Variants in PRKG1 observed in about 807,000 individuals in gnomAD.
PRKG1 encodes the protein cGMP-dependent protein kinase 1.
A neutral mutation model predicts 88.1 loss-of-function variants in PRKG1; 35 were observed. The observed-to-expected ratio is 0.40, with a 90% CI of 0.30 to 0.53. The LOEUF is 0.53. Ranked by LOEUF, PRKG1 falls within the 20% of genes least tolerant of loss-of-function variation. PRKG1 has a pLI of 0.59. For missense variants in PRKG1, 540 were observed against 839.8 expected, an observed-to-expected ratio of 0.64 and a Z score of 4.41; for synonymous variants, 303 against 292.5, an observed-to-expected ratio of 1.04 and a Z score of -0.37.
At chr10:51,876,837 G>A (rs1211472672) in intron 4 of PRKG1, among the ~76,000 whole-genome samples, 3 of 152,086 alleles carry the variant, frequency 2.0e-5, no homozygotes, top group Non-Finnish European at 2.9e-5. Context: ...TTGCACCGGG[G>A]TGGGATAACT....
In PRKG1 at chr10:51,180,668, C is replaced by T. The variant is rs945205788; in HGVS notation, c.478+27338C>T. ...CGAAGCAGACCCCTATTAAGATGAG[C>T]TTGCATGATTTTGGAGTAAGTAGGT... On this transcript the variant is annotated intron_variant, in intron 2 of 17. Coordinates refer to ENST00000373980, the MANE Select transcript of PRKG1 (RefSeq NM_006258.4). Among the ~76,000 whole-genome samples, 42 of 152,172 alleles carry T rather than the reference C, an allele frequency of 2.8e-4. 2 individuals carry two copies. Among genetic ancestry groups the T allele is most frequent in the Middle Eastern group, 3.2e-3 (1 of 316 alleles).
chr10:51,006,103 G>T (rs1212691798), intron 1 of PRKG1, among the ~76,000 whole-genome samples: 1 of 152,134 alleles, frequency 6.6e-6, no homozygotes, highest in East Asian at 1.9e-4. Flanking sequence ...CCTTTGTGTA[G>T]CCCCAGTGCC....
chr10:51,486,444 T>TTAGA (rs1156391712), intron 3 of PRKG1, among the ~76,000 whole-genome samples: 1 of 152,182 alleles, frequency 6.6e-6, no homozygotes, highest in African/African-American at 2.4e-5. Context: ...GTTGCATGTA[T>TTAGA]TAGATATATA....
intron 3 of PRKG1, among the ~76,000 whole-genome samples, chr10:51,761,315 A>G (rs901378268): frequency 1.3e-5 from 2 of 152,236 alleles, no homozygotes; most frequent in Non-Finnish European, 2.9e-5. Flanking sequence ...TTAGATGTCA[A>G]TATAGGCTGT....
At chr10:52,187,159 C>T (rs1839221609) in intron 9 of PRKG1, among the ~76,000 whole-genome samples, 1 of 152,076 alleles carries the variant, frequency 6.6e-6, no homozygotes, top group Non-Finnish European at 1.5e-5. Context: ...TCTGGCTTAT[C>T]AGGATGCTAA....
rs568249865 is a variant in PRKG1 at position 51,304,520 on chromosome 10, A to G, written c.478+151190A>G. Reference sequence around the variant, plus strand: ...TATTATACTTTAAGTTTTAGGGTACATGTGCACAATGTGCAGGTTAGTTAC... The same window carrying G: ...TATTATACTTTAAGTTTTAGGGTACGTGTGCACAATGTGCAGGTTAGTTAC... On this transcript the variant is annotated intron_variant, in intron 2 of 17. Coordinates refer to ENST00000373980, the MANE Select transcript of PRKG1 (RefSeq NM_006258.4). Among the ~76,000 whole-genome samples, 10 of 151,880 alleles carry G rather than the reference A, an allele frequency of 6.6e-5. No individual in the cohort carries two copies. In the South Asian group the frequency reaches 1.9e-3, roughly 28 times the overall value.
At chr10:52,166,787 C>CTATATATATATATATATGTATATATATG (rs201538311) in intron 9 of PRKG1, among the ~76,000 whole-genome samples, 2 of 12,444 alleles carry the variant, frequency 1.6e-4, no homozygotes, top group Non-Finnish European at 1.9e-3. Flanking sequence ...ATAAAAAAGC[C>CTATATATATATATATATGTATATATATG]TATATATATA....
At chr10:51,152,859 T>A (rs181057785) in intron 1 of PRKG1, among the ~76,000 whole-genome samples, 4 of 152,078 alleles carry the variant, frequency 2.6e-5, no homozygotes, top group Admixed American at 6.6e-5. Flanking sequence ...TTTCTAGCAA[T>A]CTTTGTGATT....
intron 1 of PRKG1, among the ~76,000 whole-genome samples, chr10:51,122,506 G>C (rs531967517): frequency 6.6e-6 from 1 of 152,230 alleles, no homozygotes; most frequent in East Asian, 1.9e-4. Flanking sequence ...GGGTATATAC[G>C]TGTGATTAAG....
intron 5 of PRKG1, among the ~76,000 whole-genome samples, chr10:52,015,452 C>T (rs1845014506): frequency 6.6e-6 from 1 of 152,190 alleles, no homozygotes; most frequent in Non-Finnish European, 1.5e-5. Context: ...GCCCACAAAA[C>T]CATTTTTCCC....
intron 3 of PRKG1, among the ~76,000 whole-genome samples, chr10:51,524,508 T>C (rs1841827336): frequency 6.6e-6 from 1 of 152,240 alleles, no homozygotes; most frequent in South Asian, 2.1e-4. Flanking sequence ...TTTTACATAA[T>C]TTTTGTGTGT....
At chr10:51,369,290 G>A (rs960553902) in intron 2 of PRKG1, among the ~76,000 whole-genome samples, 4 of 152,160 alleles carry the variant, frequency 2.6e-5, no homozygotes, top group African/African-American at 7.2e-5. Context: ...GGAAGTCCAA[G>A]ATCAAGGCAT....
chr10:51,416,627 A>G (rs1033474009), intron 2 of PRKG1, among the ~76,000 whole-genome samples: 1 of 152,200 alleles, frequency 6.6e-6, no homozygotes, highest in African/African-American at 2.4e-5. Context: ...TAATGCTTGC[A>G]AAGGGCTTAG....
intron 4 of PRKG1, among the ~76,000 whole-genome samples, chr10:51,839,158 A>T (rs1034944132): frequency 7.2e-5 from 11 of 151,876 alleles, no homozygotes; most frequent in Non-Finnish European, 1.2e-4. Context: ...TTATTTTTTT[A>T]ACAGTTGGTT....
intron 7 of PRKG1, among the ~76,000 whole-genome samples, chr10:52,088,991 C>G (rs1846984867): frequency 6.6e-6 from 1 of 152,048 alleles, no homozygotes; most frequent in African/African-American, 2.4e-5. Context: ...AGATGTATTT[C>G]TGTATTTAAA....
At chr10:51,743,977 A>G (rs988001695) in intron 3 of PRKG1, among the ~76,000 whole-genome samples, 3 of 151,560 alleles carry the variant, frequency 2.0e-5, no homozygotes, top group Non-Finnish European at 4.4e-5. Context: ...TAACTAATTC[A>G]GTACTTTTAT....
intron 9 of PRKG1, among the ~76,000 whole-genome samples, chr10:52,203,761 T>C (rs903115860): frequency 1.3e-5 from 2 of 152,230 alleles, no homozygotes; most frequent in African/African-American, 4.8e-5. Flanking sequence ...TTTACCATTA[T>C]ATAATGCCCT....
At chr10:51,986,772 T>A (rs1164094144) in intron 5 of PRKG1, among the ~76,000 whole-genome samples, 1 of 152,168 alleles carries the variant, frequency 6.6e-6, no homozygotes, top group Non-Finnish European at 1.5e-5. Context: ...TCGTATGAGA[T>A]ACTGGGACTT....
chr10:52,104,010 T>A (rs74673449), intron 7 of PRKG1, among the ~76,000 whole-genome samples: 1 of 68,298 alleles, frequency 1.5e-5, no homozygotes, highest in South Asian at 5.4e-4. Flanking sequence ...GTATATATAA[T>A]ATATATATAT....
Sources: gnomAD v4.1 joint callset for allele counts (sites outside exome capture counted in the v4.1 genomes callset) on GRCh38, gnomAD v4.1.1 for gene constraint, MANE v1.5 for transcripts, NCBI Gene and HGNC (gene_info 2026-07-23, HGNC 2026-07-21) for gene names.